The following KCNMB2 variants were observed in gnomAD, a reference collection of about 807,000 sequenced individuals.
The protein encoded by KCNMB2 is potassium calcium-activated channel subfamily M regulatory beta subunit 2.
KCNMB2 carries 9 observed loss-of-function variants against 24.5 expected under a neutral mutation model. That is an observed-to-expected ratio of 0.37 (90% CI 0.22 to 0.64). KCNMB2 has a LOEUF of 0.64. Among genes scored for constraint, KCNMB2 ranks in the 30% least tolerant of loss-of-function variants. The pLI is 0.63. For missense variants in KCNMB2, 226 were observed against 284.3 expected (o/e 0.79, Z 1.47); for synonymous variants, 109 against 104.4 (o/e 1.04, Z -0.27).
chr3:178,830,219 ATACTT>A (rs1715001784), intron 4 of KCNMB2, among the ~76,000 whole-genome samples: 1 of 152,162 alleles, frequency 6.6e-6, no homozygotes, highest in African/African-American at 2.4e-5. Flanking sequence ...ATCACATAGA[ATACTT>A]TCCTTTCTGT....
chr3:178,665,423 TG>T (rs2108575439), intron 1 of KCNMB2, among the ~76,000 whole-genome samples: 1 of 152,276 alleles, frequency 6.6e-6, no homozygotes, highest in African/African-American at 2.4e-5. Flanking sequence ...GCAAATAAAC[TG>T]TTTTTTTTAA....
intron 1 of KCNMB2, among the ~76,000 whole-genome samples, chr3:178,682,239 C>T (rs1361095310): frequency 7.9e-5 from 12 of 152,114 alleles, no homozygotes; most frequent in Admixed American, 7.9e-4. Context: ...CTGTGAAATA[C>T]AAGGAATACT....
At chr3:178,740,337 G>T (rs1414277298) in intron 1 of KCNMB2, among the ~76,000 whole-genome samples, 1 of 151,838 alleles carries the variant, frequency 6.6e-6, no homozygotes, top group Non-Finnish European at 1.5e-5. Context: ...AGCCAGGATG[G>T]TCTCGATCTC....
At chr3:178,755,508 T>C (rs1724000817) in intron 1 of KCNMB2, among the ~76,000 whole-genome samples, 1 of 152,172 alleles carries the variant, frequency 6.6e-6, no homozygotes, top group African/African-American at 2.4e-5. Context: ...TTAACCTCTG[T>C]GGGACCATAG....
chr3:178,553,914 G>T (rs1716040415), intron 1 of KCNMB2, among the ~76,000 whole-genome samples: 1 of 152,012 alleles, frequency 6.6e-6, no homozygotes, highest in African/African-American at 2.4e-5. Context: ...GGTAAGCAGA[G>T]AAAAGAAAAA....
chr3:178,748,521 G>A (rs892051615), intron 1 of KCNMB2: 3 of 152,166 alleles, frequency 2.0e-5, no homozygotes, highest in Non-Finnish European at 4.4e-5. Context: ...GAACATTAAT[G>A]GCTTATGAAT....
At chr3:178,606,679 G>A (rs971534043) in intron 1 of KCNMB2, among the ~76,000 whole-genome samples, 16 of 152,020 alleles carry the variant, frequency 1.1e-4, no homozygotes, top group Non-Finnish European at 1.8e-4. Flanking sequence ...ATTTGGGGGT[G>A]GGGGCAGAAG....
chr3:178,776,383 T>G (rs1712580077), intron 1 of KCNMB2, among the ~76,000 whole-genome samples: 1 of 152,146 alleles, frequency 6.6e-6, no homozygotes, highest in South Asian at 2.1e-4. Flanking sequence ...TTTTCACCCC[T>G]ACCCTTGGTT....
intron 1 of KCNMB2, among the ~76,000 whole-genome samples, chr3:178,591,121 T>C (rs1717654744): frequency 6.6e-6 from 1 of 152,170 alleles, no homozygotes; most frequent in Non-Finnish European, 1.5e-5. Flanking sequence ...AAGCCACATT[T>C]TGGTAGGTCT....
chr3:178,717,243 T>C (rs1467174785), intron 1 of KCNMB2, among the ~76,000 whole-genome samples: 1 of 152,132 alleles, frequency 6.6e-6, no homozygotes, highest in Non-Finnish European at 1.5e-5. Context: ...GTTTCCAAAG[T>C]ATGGACTTCC....
intron 1 of KCNMB2, among the ~76,000 whole-genome samples, chr3:178,767,866 T>G (rs574681205): frequency 2.6e-5 from 4 of 151,802 alleles, no homozygotes; most frequent in Admixed American, 1.3e-4. Context: ...CAGCCATGGA[T>G]GAAACACTCC....
intron 1 of KCNMB2, among the ~76,000 whole-genome samples, chr3:178,592,342 C>T (rs773466070): frequency 1.9e-4 from 29 of 152,112 alleles, no homozygotes; most frequent in Non-Finnish European, 3.1e-4. Flanking sequence ...TACAGATGAG[C>T]TTCTGCCTCC....
intron 1 of KCNMB2, among the ~76,000 whole-genome samples, chr3:178,653,152 G>A (rs903408429): frequency 4.6e-5 from 7 of 151,746 alleles, no homozygotes; most frequent in African/African-American, 1.7e-4. Context: ...TTCTTTAGTA[G>A]GATCTTATAC....
intron 1 of KCNMB2, among the ~76,000 whole-genome samples, chr3:178,765,223 C>T (rs775615591): frequency 6.6e-6 from 1 of 152,152 alleles, no homozygotes; most frequent in Non-Finnish European, 1.5e-5. Context: ...AGAGTTCACT[C>T]GTTCTTTCCC....
intron 1 of KCNMB2, among the ~76,000 whole-genome samples, chr3:178,605,420 G>T (rs1359493398): frequency 6.6e-6 from 1 of 152,186 alleles, no homozygotes; most frequent in Non-Finnish European, 1.5e-5. Context: ...TTGGTCCCAA[G>T]AAGTGAACGT....
At chr3:178,541,711 CAA>C (rs890729137) in intron 1 of KCNMB2, among the ~76,000 whole-genome samples, 70 of 152,278 alleles carry the variant, frequency 4.6e-4, no homozygotes, top group African/African-American at 1.7e-3. Context: ...AGCATTAAGA[CAA>C]GATAAACTTG....
At chr3:178,780,560 G>T (rs1712788026) in intron 1 of KCNMB2, among the ~76,000 whole-genome samples, 1 of 152,144 alleles carries the variant, frequency 6.6e-6, no homozygotes, top group African/African-American at 2.4e-5. Context: ...ATTTCAAGTG[G>T]CTACTATGAC....
chr3:178,753,301 G>A (rs34162444), intron 1 of KCNMB2, among the ~76,000 whole-genome samples: 20,090 of 152,148 alleles, frequency 0.13, 1,446 homozygotes, highest in African/African-American at 0.16. Flanking sequence ...AGGTAGCCAC[G>A]ATGATCACAA....
chr3:178,780,694 T>C (rs1712795290), intron 1 of KCNMB2, among the ~76,000 whole-genome samples: 1 of 152,198 alleles, frequency 6.6e-6, no homozygotes, highest in Non-Finnish European at 1.5e-5. Context: ...ATCCCGTATC[T>C]ACTACTTGAA....
Sources: allele counts gnomAD v4.1 joint callset (sites outside exome capture counted in the v4.1 genomes callset), GRCh38; gene constraint gnomAD v4.1.1; transcripts MANE v1.5; gene names NCBI Gene and HGNC (gene_info 2026-07-23, HGNC 2026-07-21).